Variants in STT3B observed in about 807,000 individuals in gnomAD.
STT3B encodes STT3 oligosaccharyltransferase complex catalytic subunit B, also known as dolichyl-diphosphooligosaccharide--protein glycosyltransferase subunit STT3B.
STT3B carries 29 observed loss-of-function variants against 96.8 expected under a neutral mutation model. That is an observed-to-expected ratio of 0.30 (90% CI 0.22 to 0.41). STT3B has a LOEUF of 0.41. Ranked by LOEUF, STT3B falls within the 10% of genes least tolerant of loss-of-function variation. STT3B has a pLI of 1.00. For synonymous variants in STT3B, 367 were observed against 360.0 expected (o/e 1.02, Z -0.22); for missense variants, 640 against 1,022.3 (o/e 0.63, Z 5.10).
Position 31,533,065 on chromosome 3 carries a change from C to G in STT3B, c.67C>G (p.Leu23Val). 6.4e-7 allele frequency: 1 copy of G among 1,567,074 alleles called. No homozygotes were observed. The highest frequency in any genetic ancestry group is 1.1e-5 in the South Asian group (1 of 87,382). ...SSLNSSPWSG[L>V]MALGNSRHGH... Reference sequence around the variant, plus strand: ...CCTCAACTCGTCCCCGTGGAGTGGCCTCATGGCCCTGGGAAACAGCCGGCA... The same window carrying G: ...CCTCAACTCGTCCCCGTGGAGTGGCGTCATGGCCCTGGGAAACAGCCGGCA... Residue 23 changes from leucine to valine, a missense_variant, in exon 1 of 16, where the codon CTC (leucine) becomes GTC (valine). Leu to Val is a conservative substitution (Grantham distance 32). Transcript: ENST00000295770.
intron 4 of STT3B, among the ~76,000 whole-genome samples, chr3:31,597,527 G>A (rs551194236): frequency 6.6e-6 from 1 of 152,052 alleles, no homozygotes; most frequent in Admixed American, 6.5e-5. Flanking sequence ...TGCAATCATA[G>A]CTCACTATAA....
At chr3:31,616,787 A>G in intron 6 of STT3B, 142 bp from the exon 7 acceptor site, 1 of 683,964 alleles carries the variant, frequency 1.5e-6, no homozygotes, top group African/African-American at 1.8e-5. Context: ...CTGTCATTTG[A>G]CAAAGGAAAT....
At chr3:31,602,183 C>T (rs1390640431) in intron 5 of STT3B, among the ~76,000 whole-genome samples, 1 of 152,110 alleles carries the variant, frequency 6.6e-6, no homozygotes, top group African/African-American at 2.4e-5. Flanking sequence ...ATCTGTGTGC[C>T]TCTCGTTTAA....
At chr3:31,545,306 C>T (rs2125437151) in intron 1 of STT3B, among the ~76,000 whole-genome samples, 1 of 152,236 alleles carries the variant, frequency 6.6e-6, no homozygotes, top group East Asian at 1.9e-4. Flanking sequence ...AAATAATTTA[C>T]TGCATTTCAA....
chr3:31,605,394 A>G (rs867141102), intron 5 of STT3B, among the ~76,000 whole-genome samples: 1 of 152,116 alleles, frequency 6.6e-6, no homozygotes, highest in East Asian at 1.9e-4. Context: ...TCCCCACCCA[A>G]ATTTCATCTT....
intron 14 of STT3B, among the ~76,000 whole-genome samples, chr3:31,631,924 T>C (rs187262910): frequency 2.6e-5 from 4 of 152,196 alleles, no homozygotes; most frequent in African/African-American, 7.2e-5. Flanking sequence ...GGTGCAATCA[T>C]GGTTCACTGC....
At chr3:31,569,943 A>G (rs779769142) in intron 1 of STT3B, among the ~76,000 whole-genome samples, 1 of 152,076 alleles carries the variant, frequency 6.6e-6, no homozygotes, top group African/African-American at 2.4e-5. Flanking sequence ...TGTATAGATA[A>G]TAAGCTATAT....
intron 14 of STT3B, among the ~76,000 whole-genome samples, chr3:31,630,553 T>A (rs554958553): frequency 1.3e-5 from 2 of 152,210 alleles, no homozygotes; most frequent in Non-Finnish European, 2.9e-5. Context: ...ATAAATTTGT[T>A]TTGCTCTTGT....
chr3:31,610,340 G>T (rs867497124), intron 5 of STT3B, among the ~76,000 whole-genome samples: 9 of 152,282 alleles, frequency 5.9e-5, no homozygotes, highest in Middle Eastern at 6.8e-3. Flanking sequence ...AGAGAGCAAA[G>T]CAATTCAAAA....
In STT3B at chr3:31,625,021, C is replaced by T; in HGVS notation, c.1835C>T (p.Ala612Val). The T allele has an allele frequency of 1.9e-6, 3 of 1,613,692 alleles. No homozygotes were observed. The highest frequency in any genetic ancestry group is 2.5e-6 in the Non-Finnish European group (3 of 1,179,818). ...MSWWDYGYQI[A>V]GMANRTTLVD... is the part of the protein sequence containing the mutation. ...TGGTGGGATTATGGCTATCAGATAGCTGGAATGGCTAATAGAACTACGTTG... is the reference window on the plus strand; with the variant it reads ...TGGTGGGATTATGGCTATCAGATAGTTGGAATGGCTAATAGAACTACGTTG... The change falls in exon 12 of 16, where the codon GCT becomes GTT. Residue 612 changes from alanine (A) to valine (V), a missense_variant. Around this residue, in one of 8 missense-constraint regions of STT3B, gnomAD observed 149 missense variants for 250.2 expected, o/e 0.60. Coordinates refer to ENST00000295770, the MANE Select transcript of STT3B (RefSeq NM_178862.3).
chr3:31,630,608 C>T (rs1436241210), intron 14 of STT3B, among the ~76,000 whole-genome samples: 4 of 152,162 alleles, frequency 2.6e-5, no homozygotes, highest in Non-Finnish European at 5.9e-5. Flanking sequence ...TTTTTATCTT[C>T]ATACTATTAG....
intron 1 of STT3B, among the ~76,000 whole-genome samples, chr3:31,541,570 A>C (rs1185595083): frequency 6.7e-6 from 1 of 149,550 alleles, no homozygotes; most frequent in African/African-American, 2.5e-5. Flanking sequence ...GTTCAGCAAT[A>C]ATTTTTTTGT....
intron 2 of STT3B, among the ~76,000 whole-genome samples, chr3:31,577,361 A>G (rs999047657): frequency 2.0e-5 from 3 of 152,152 alleles, no homozygotes; most frequent in African/African-American, 2.4e-5. Flanking sequence ...GCTGCATTTC[A>G]TAAGTTCTGA....
At chr3:31,571,586 C>T (rs1698138260) in intron 1 of STT3B, among the ~76,000 whole-genome samples, 2 of 152,040 alleles carry the variant, frequency 1.3e-5, no homozygotes, top group Admixed American at 1.3e-4. Flanking sequence ...TGGCAGCCAA[C>T]ACATAGATTG....
chr3:31,601,465 A>G (rs1428080025), intron 5 of STT3B, among the ~76,000 whole-genome samples: 5 of 152,242 alleles, frequency 3.3e-5, no homozygotes, highest in Admixed American at 3.3e-4. Context: ...CACATAGTAT[A>G]TGATTCTGTT....
intron 3 of STT3B, among the ~76,000 whole-genome samples, chr3:31,585,012 C>G (rs761107084): frequency 5.3e-5 from 8 of 152,072 alleles, no homozygotes; most frequent in Non-Finnish European, 1.0e-4. Context: ...TTTGTAATCT[C>G]TAATATATAA....
At chr3:31,558,361 C>G (rs1200280660) in intron 1 of STT3B, among the ~76,000 whole-genome samples, 2 of 152,100 alleles carry the variant, frequency 1.3e-5, no homozygotes, top group Non-Finnish European at 2.9e-5. Flanking sequence ...TATGCATAGT[C>G]TGAGAGCTTT....
intron 1 of STT3B, among the ~76,000 whole-genome samples, chr3:31,566,324 A>G (rs1698005113): frequency 6.6e-6 from 1 of 152,134 alleles, no homozygotes; most frequent in Non-Finnish European, 1.5e-5. Flanking sequence ...ATCAAATCCC[A>G]TCTTGACCAC....
chr3:31,596,754 C>T, intron 3 of STT3B, 44 bp from the exon 4 acceptor site: 2 of 1,460,238 alleles, frequency 1.4e-6, no homozygotes, highest in South Asian at 2.4e-5. Flanking sequence ...TCCGCAAGAA[C>T]ATTTGTAAAC....
Sources: allele counts gnomAD v4.1 joint callset (sites outside exome capture counted in the v4.1 genomes callset), GRCh38; gene constraint gnomAD v4.1.1; regional missense constraint gnomAD v4.1.1; transcripts MANE v1.5; gene names NCBI Gene and HGNC (gene_info 2026-07-23, HGNC 2026-07-21).